Variants in PPFIBP1 observed in about 807,000 individuals in gnomAD.
The protein encoded by PPFIBP1 is PPFIB scaffold protein 1.
Under a neutral mutation model 137.8 loss-of-function variants are expected in PPFIBP1, and 112 were observed. The ratio of observed to expected loss-of-function variants is 0.81; its 90% confidence interval spans 0.70 to 0.95. PPFIBP1 has a LOEUF of 0.95. Among genes scored for constraint, PPFIBP1 ranks in the 40% least tolerant of loss-of-function variants. The probability of loss-of-function intolerance (pLI) is 0.00; values close to 1 mark genes in which losing one functional copy is unlikely to be tolerated. For missense variants in PPFIBP1, 1,083 were observed against 1,196.6 expected (o/e 0.91, Z 1.40); for synonymous variants, 378 against 417.3 (o/e 0.91, Z 1.15).
Position 27,674,187 on chromosome 12 carries a change from A to G in PPFIBP1, c.1381-5A>G. On this transcript the variant is annotated splice_region_variant and splice_polypyrimidine_tract_variant and intron_variant, in intron 16 of 29. Coordinates refer to ENST00000228425, the MANE Select transcript of PPFIBP1 (RefSeq NM_003622.4). ...AACCTTAAATATTGTTATTGCTTTG[A>G]ACAGGAAAAGGAAACTATTCAGAAG... The G allele has an allele frequency of 6.3e-7, 1 of 1,594,554 alleles. No individual in the cohort carries two copies. Among genetic ancestry groups the G allele is most frequent in the African/African-American group, 1.3e-5 (1 of 74,244 alleles).
intron 9 of PPFIBP1, chr12:27,657,219 G>A (rs1475967321): frequency 6.6e-6 from 1 of 152,506 alleles, no homozygotes; most frequent in Non-Finnish European, 1.5e-5. Flanking sequence ...TAGAAAAATA[G>A]GCTAATTCTG....
intron 27 of PPFIBP1, among the ~76,000 whole-genome samples, chr12:27,690,174 G>A (rs914182849): frequency 5.5e-5 from 8 of 145,788 alleles, no homozygotes; most frequent in African/African-American, 2.1e-4. Flanking sequence ...ACTCCTACTC[G>A]GATTTTTTTT....
At chr12:27,605,013 TC>T (rs2054379676) in intron 2 of PPFIBP1, among the ~76,000 whole-genome samples, 1 of 152,060 alleles carries the variant, frequency 6.6e-6, no homozygotes, top group African/African-American at 2.4e-5. Flanking sequence ...AAAGACCCCC[TC>T]CATGATTCAG....
At chr12:27,607,863 T>C (rs2054690912) in intron 2 of PPFIBP1, among the ~76,000 whole-genome samples, 1 of 152,092 alleles carries the variant, frequency 6.6e-6, no homozygotes, top group Non-Finnish European at 1.5e-5. Flanking sequence ...AAAAATACTC[T>C]GGGGGTGGGG....
chr12:27,571,991 ATGAC>A (rs1443643187), intron 1 of PPFIBP1, among the ~76,000 whole-genome samples: 1 of 152,176 alleles, frequency 6.6e-6, no homozygotes, highest in Non-Finnish European at 1.5e-5. Flanking sequence ...TGAGGACATG[ATGAC>A]TGACTGTAAT....
intron 10 of PPFIBP1, among the ~76,000 whole-genome samples, chr12:27,659,549 G>A (rs745983843): frequency 3.3e-5 from 5 of 151,974 alleles, no homozygotes; most frequent in Non-Finnish European, 7.4e-5. Context: ...AGGCATCTAG[G>A]AGTTTGAGGC....
chr12:27,554,543 G>C (rs759156226), intron 1 of PPFIBP1, among the ~76,000 whole-genome samples: 5 of 152,118 alleles, frequency 3.3e-5, no homozygotes, highest in Admixed American at 6.5e-5. Context: ...TAACAAAGCT[G>C]TATGTCACGC....
intron 1 of PPFIBP1, among the ~76,000 whole-genome samples, chr12:27,543,151 A>T (rs1945849147): frequency 6.6e-6 from 1 of 152,132 alleles, no homozygotes; most frequent in African/African-American, 2.4e-5. Context: ...AAATTAAATC[A>T]TTTTTGCCTG....
chr12:27,527,403 C>T (rs549157178), intron 1 of PPFIBP1, among the ~76,000 whole-genome samples: 1 of 152,008 alleles, frequency 6.6e-6, no homozygotes, highest in South Asian at 2.1e-4. Context: ...CCAACATGCC[C>T]GGTTAATTTT....
intron 2 of PPFIBP1, chr12:27,584,072 G>A (rs1274090820): frequency 6.6e-6 from 1 of 152,230 alleles, no homozygotes; most frequent in Non-Finnish European, 1.5e-5. Flanking sequence ...TGACCACAGT[G>A]TTTTTGCCAA....
Position 27,568,415 on chromosome 12 carries a change from TTTAA to T in PPFIBP1, c.-123-9733_-123-9730del, listed in dbSNP as rs576488909. ...GATATATTAAGCTTAGGATAGTGTG[TTTAA>T]TTACTGCTTTCTGTAGAAGTTAAGA... On this transcript the variant is annotated intron_variant, in intron 1 of 29. Transcript: ENST00000228425. 3.1e-4 allele frequency among the ~76,000 whole-genome samples: 47 copies of T among 152,316 alleles called. No individual in the cohort carries two copies. In the South Asian group the frequency reaches 6.0e-3, roughly 19 times the overall value.
At chr12:27,656,923 CA>C (rs2059236080) in intron 9 of PPFIBP1, 193 bp downstream of exon 9, 2 of 484,870 alleles carry the variant, frequency 4.1e-6, no homozygotes, top group East Asian at 7.5e-5. Context: ...TCCTCTTCAG[CA>C]GCTGGAAAAG....
chr12:27,586,920 T>C (rs2051828576), intron 2 of PPFIBP1, among the ~76,000 whole-genome samples: 1 of 152,212 alleles, frequency 6.6e-6, no homozygotes, highest in Non-Finnish European at 1.5e-5. Flanking sequence ...ATTTAAAAGA[T>C]GGTATTTTGA....
chr12:27,566,698 A>G (rs1743697013), intron 1 of PPFIBP1, among the ~76,000 whole-genome samples: 2 of 152,230 alleles, frequency 1.3e-5, no homozygotes, highest in Non-Finnish European at 2.9e-5. Flanking sequence ...CTTAATTCTC[A>G]CACAGTAAGT....
intron 2 of PPFIBP1, chr12:27,592,823 G>T: frequency 1.6e-6 from 1 of 634,152 alleles, no homozygotes; most frequent in Non-Finnish European, 2.8e-6. Context: ...CTCATTTATG[G>T]AACTCACATC....
intron 11 of PPFIBP1, among the ~76,000 whole-genome samples, chr12:27,663,206 CA>C (rs2059654479): frequency 6.6e-6 from 1 of 152,096 alleles, no homozygotes; most frequent in Non-Finnish European, 1.5e-5. Flanking sequence ...AGGGCAGCCA[CA>C]AAGGGCAAAT....
chr12:27,553,102 G>T (rs1946944754), intron 1 of PPFIBP1, among the ~76,000 whole-genome samples: 1 of 152,196 alleles, frequency 6.6e-6, no homozygotes, highest in South Asian at 2.1e-4. Context: ...GCCAGAAAAA[G>T]AATCTTTGCT....
chr12:27,659,206 A>G (rs2059394681), intron 10 of PPFIBP1, among the ~76,000 whole-genome samples: 1 of 152,220 alleles, frequency 6.6e-6, no homozygotes, highest in African/African-American at 2.4e-5. Flanking sequence ...CAGAGTTGAA[A>G]GATAATTTTG....
chr12:27,589,392 G>T lies in PPFIBP1; in HGVS notation c.-36+11153G>T, dbSNP rs535981199. Among the ~76,000 whole-genome samples the T allele has an allele frequency of 3.3e-5, 5 of 152,254 alleles. 1 individual carries two copies. The highest frequency in any genetic ancestry group is 6.5e-5 in the Admixed American group (1 of 15,290). On this transcript the variant is annotated intron_variant, in intron 2 of 29. Coordinates refer to ENST00000228425, the MANE Select transcript of PPFIBP1 (RefSeq NM_003622.4). ...AGTCCCAGGCTCAAGCGATCCTTGC[G>T]CCTCGGCCTTCCAAAGTGCTGAGGT...
Sources: gnomAD v4.1 joint callset for allele counts (sites outside exome capture counted in the v4.1 genomes callset) on GRCh38, gnomAD v4.1.1 for gene constraint, MANE v1.5 for transcripts, NCBI Gene and HGNC (gene_info 2026-07-23, HGNC 2026-07-21) for gene names.